Variants in DOCK2 observed in about 807,000 individuals in gnomAD.
The protein encoded by DOCK2 is dedicator of cytokinesis protein 2.
Under a neutral mutation model 248.9 loss-of-function variants are expected in DOCK2, and 87 were observed. The observed-to-expected ratio is 0.35, with a 90% CI of 0.29 to 0.42. DOCK2 has a LOEUF of 0.42. DOCK2 is among the 10% of genes least tolerant of loss of function. The pLI, the probability that DOCK2 is intolerant of heterozygous loss-of-function variation, is 1.00. For synonymous variants in DOCK2, 805 were observed against 821.6 expected (o/e 0.98, Z 0.35); for missense variants, 1,747 against 2,300.2 (o/e 0.76, Z 4.92).
intron 29 of DOCK2, among the ~76,000 whole-genome samples, chr5:169,987,809 G>A (rs1778105007): frequency 6.6e-6 from 1 of 152,194 alleles, no homozygotes; most frequent in Non-Finnish European, 1.5e-5. Context: ...TTAAGGGTCA[G>A]CCAAGTACTT....
chr5:170,079,546 T>C (rs777060821), intron 49 of DOCK2: 2 of 192,742 alleles, frequency 1.0e-5, no homozygotes, highest in Non-Finnish European at 2.2e-5. Context: ...CTCAGACCCC[T>C]GCAAGCCCCT....
At chr5:169,884,165 G>C in intron 27 of DOCK2, 1 of 314,152 alleles carries the variant, frequency 3.2e-6, no homozygotes, top group Non-Finnish European at 5.8e-6. Context: ...AATGAGTTAG[G>C]CTAACTATTA....
chr5:169,720,104 A>G lies in DOCK2; in HGVS notation c.2267+1313A>G, dbSNP rs146727387. On this transcript the variant is annotated intron_variant, in intron 22 of 51. Coordinates refer to ENST00000520908, the MANE Select transcript of DOCK2 (RefSeq NM_004946.3). Reference sequence around the variant, plus strand: ...TTGAACCATGCGACAGAACAAATGCACTTAGGTCATTCTGAAAGTGAAGTG... The same window carrying G: ...TTGAACCATGCGACAGAACAAATGCGCTTAGGTCATTCTGAAAGTGAAGTG... 7.3e-4 allele frequency among the ~76,000 whole-genome samples: 111 copies of G among 152,322 alleles called. 1 individual carries two copies. Among genetic ancestry groups the G allele is most frequent in the African/African-American group, 2.6e-3 (109 of 41,574 alleles).
At chr5:169,679,482 T>C (rs763386059) in intron 6 of DOCK2, among the ~76,000 whole-genome samples, 1 of 152,222 alleles carries the variant, frequency 6.6e-6, no homozygotes, top group African/African-American at 2.4e-5. Context: ...TGTCCAAGGA[T>C]TGAGGAATCC....
chr5:169,669,852 T>G (rs1486894827), intron 3 of DOCK2, among the ~76,000 whole-genome samples: 1 of 152,222 alleles, frequency 6.6e-6, no homozygotes, highest in Non-Finnish European at 1.5e-5. Context: ...GTCCCCAGTA[T>G]GCACATTGGT....
rs558835048 is a variant in DOCK2, at chr5:169,943,306, G to A, written c.2800-39762G>A. ...TTGGATTTATCTTGAGGAATAAGCA[G>A]TAGCTGTCTAAAGGTTGATCCCACC... On this transcript the variant is annotated intron_variant, in intron 27 of 51. Transcript: ENST00000520908. 3.9e-5 allele frequency among the ~76,000 whole-genome samples: 6 copies of A among 152,304 alleles called. No individual in the cohort carries two copies. The South Asian group carries it at 8.3e-4, about 21-fold the overall frequency.
intron 27 of DOCK2, among the ~76,000 whole-genome samples, chr5:169,848,552 T>C (rs541774084): frequency 1.4e-4 from 21 of 152,352 alleles, no homozygotes; most frequent in African/African-American, 5.1e-4. Context: ...ACCCCAGTGA[T>C]GGGGATGAAC....
intron 30 of DOCK2, among the ~76,000 whole-genome samples, chr5:170,008,151 C>A (rs1434321824): frequency 6.6e-6 from 1 of 150,392 alleles, no homozygotes; most frequent in African/African-American, 2.5e-5. Context: ...GCAGCTAGGG[C>A]AAATTATTTG....
At chr5:169,926,132 C>G (rs1775439918) in intron 27 of DOCK2, among the ~76,000 whole-genome samples, 1 of 152,088 alleles carries the variant, frequency 6.6e-6, no homozygotes, top group Admixed American at 6.5e-5. Flanking sequence ...ATCTGGGAAG[C>G]CAGTCAGGCC....
intron 25 of DOCK2, among the ~76,000 whole-genome samples, chr5:169,794,886 G>A (rs1766553358): frequency 6.6e-6 from 1 of 152,208 alleles, no homozygotes; most frequent in Admixed American, 6.5e-5. Flanking sequence ...TCGCGCCACT[G>A]CACTCCAGCC....
intron 7 of DOCK2, among the ~76,000 whole-genome samples, chr5:169,682,352 C>T (rs1297256387): frequency 1.3e-5 from 2 of 152,212 alleles, no homozygotes; most frequent in East Asian, 1.9e-4. Flanking sequence ...CAGGGTGTTC[C>T]AGGCAGAGGG....
intron 27 of DOCK2, among the ~76,000 whole-genome samples, chr5:169,852,917 G>T (rs1365951275): frequency 1.3e-5 from 2 of 152,198 alleles, no homozygotes; most frequent in Non-Finnish European, 2.9e-5. Context: ...TATCATGAGT[G>T]TCCTTCCCTG....
chr5:169,693,662 G>C (rs1045679805), intron 9 of DOCK2, among the ~76,000 whole-genome samples: 1 of 152,084 alleles, frequency 6.6e-6, no homozygotes, highest in African/African-American at 2.4e-5. Context: ...ATGATGGGGT[G>C]GGGGGTCTTT....
At chr5:169,863,977 TG>T (rs1466838693) in intron 27 of DOCK2, among the ~76,000 whole-genome samples, 1 of 152,136 alleles carries the variant, frequency 6.6e-6, no homozygotes, top group Non-Finnish European at 1.5e-5. Context: ...TTGCTCGTGG[TG>T]GGAATCTGGT....
chr5:169,846,344 A>G (rs1429116880), intron 27 of DOCK2, among the ~76,000 whole-genome samples: 1 of 152,212 alleles, frequency 6.6e-6, no homozygotes, highest in Non-Finnish European at 1.5e-5. Context: ...TGTTGGGCTT[A>G]GGGCTTTGCG....
chr5:170,075,160 A>C (rs1371817640), intron 46 of DOCK2, among the ~76,000 whole-genome samples: 1 of 152,162 alleles, frequency 6.6e-6, no homozygotes, highest in Admixed American at 6.5e-5. Context: ...GTAATTCATA[A>C]TCTACCCCTT....
intron 27 of DOCK2, among the ~76,000 whole-genome samples, chr5:169,902,124 A>T (rs930815545): frequency 1.1e-4 from 16 of 152,228 alleles, no homozygotes; most frequent in African/African-American, 3.6e-4. Flanking sequence ...GGTTAATGCC[A>T]TCTATCAGAA....
chr5:169,658,433 T>TCGCACCACTGCACTC (rs548060206), intron 2 of DOCK2, among the ~76,000 whole-genome samples: 1,538 of 125,952 alleles, frequency 0.012, 30 homozygotes, highest in African/African-American at 0.044. Context: ...TAAGCCAAGA[T>TCGCACCACTGCACTC]CGCACCACTG....
chr5:169,907,405 G>T (rs996967458), intron 27 of DOCK2, among the ~76,000 whole-genome samples: 1 of 152,202 alleles, frequency 6.6e-6, no homozygotes, highest in Non-Finnish European at 1.5e-5. Context: ...TTTACTCTCT[G>T]CTGGGTTTAA....
Sources: allele counts gnomAD v4.1 joint callset (sites outside exome capture counted in the v4.1 genomes callset), GRCh38; gene constraint gnomAD v4.1.1; transcripts MANE v1.5; gene names NCBI Gene and HGNC (gene_info 2026-07-23, HGNC 2026-07-21).